The following REDIC1 variants were observed in gnomAD, a reference collection of about 807,000 sequenced individuals.
The protein encoded by REDIC1 is regulator of DNA class I crossover intermediates 1.
At chr12:39,627,109 C>A in the REDIC1 span, among the ~76,000 whole-genome samples, 1 of 152,206 alleles carries the variant, frequency 6.6e-6, no homozygotes, top group South Asian at 2.1e-4. Context: ...CAAGTAGACC[C>A]AGGACAGTAA....
At chr12:39,731,674 A>G in the REDIC1 span, among the ~76,000 whole-genome samples, 1 of 152,130 alleles carries the variant, frequency 6.6e-6, no homozygotes, top group Non-Finnish European at 1.5e-5. Context: ...CAGAGCTCAA[A>G]CGCTGTGCTG....
chr12:39,721,840 TCTG>T, the REDIC1 span: 1 of 152,130 alleles, frequency 6.6e-6, no homozygotes, highest in African/African-American at 2.4e-5. Context: ...AGGAAAATGT[TCTG>T]TAGGATTAAA....
At chr12:39,699,384 T>A in the REDIC1 span, among the ~76,000 whole-genome samples, 1 of 152,266 alleles carries the variant, frequency 6.6e-6, no homozygotes, top group Admixed American at 6.5e-5. Context: ...AATACTGCGC[T>A]TTTCCGACGG....
the REDIC1 span, among the ~76,000 whole-genome samples, chr12:39,907,204 T>G: frequency 6.6e-6 from 1 of 152,126 alleles, no homozygotes. Context: ...ACTTATTAGC[T>G]CTTACAAGTA....
At chr12:39,806,485 C>G in the REDIC1 span, among the ~76,000 whole-genome samples, 1 of 152,148 alleles carries the variant, frequency 6.6e-6, no homozygotes, top group Non-Finnish European at 1.5e-5. Context: ...AGAAGTCACA[C>G]AGGCTTCTAT....
chr12:39,646,594 T>C, the REDIC1 span: 1 of 830,728 alleles, frequency 1.2e-6, no homozygotes, highest in South Asian at 2.6e-5. Context: ...AACAGTATTA[T>C]GCAATGATTA....
the REDIC1 span, among the ~76,000 whole-genome samples, chr12:39,748,727 C>T: frequency 6.6e-6 from 1 of 152,232 alleles, no homozygotes; most frequent in African/African-American, 2.4e-5. Flanking sequence ...GTCTCTCAGA[C>T]CACAGTGCAG....
At chr12:39,821,274 T>C in the REDIC1 span, among the ~76,000 whole-genome samples, 1 of 151,892 alleles carries the variant, frequency 6.6e-6, no homozygotes, top group Non-Finnish European at 1.5e-5. Context: ...GCCGGGCGTG[T>C]TGGCGGGCGC....
At chr12:39,818,949 AC>A in the REDIC1 span, among the ~76,000 whole-genome samples, 3 of 152,202 alleles carry the variant, frequency 2.0e-5, no homozygotes, top group Admixed American at 6.5e-5. Flanking sequence ...TTAAAAAACA[AC>A]ATAGGTCTGC....
At chr12:39,647,542 A>G in the REDIC1 span, among the ~76,000 whole-genome samples, 1 of 151,966 alleles carries the variant, frequency 6.6e-6, no homozygotes, top group African/African-American at 2.4e-5. Flanking sequence ...GCCTACAGGA[A>G]TGGAGCTGGA....
At chr12:39,669,219 A>G in the REDIC1 span, among the ~76,000 whole-genome samples, 2 of 152,106 alleles carry the variant, frequency 1.3e-5, no homozygotes, top group Non-Finnish European at 2.9e-5. Flanking sequence ...GGTGACATAC[A>G]TATGGGGTTT....
chr12:39,857,206 A>G, the REDIC1 span, among the ~76,000 whole-genome samples: 1 of 152,204 alleles, frequency 6.6e-6, no homozygotes, highest in African/African-American at 2.4e-5. Flanking sequence ...GAAGTCTTTT[A>G]AGTTCAAGAA....
At chr12:39,859,431 G>T in the REDIC1 span, among the ~76,000 whole-genome samples, 1 of 149,972 alleles carries the variant, frequency 6.7e-6, no homozygotes, top group Non-Finnish European at 1.5e-5. Context: ...ACATGCCACT[G>T]TCCTGGTGAG....
chr12:39,779,851 A>C, the REDIC1 span, among the ~76,000 whole-genome samples: 1 of 152,252 alleles, frequency 6.6e-6, no homozygotes, highest in Non-Finnish European at 1.5e-5. Context: ...TTCCACTGCA[A>C]GAGTGCCTGC....
the REDIC1 span, among the ~76,000 whole-genome samples, chr12:39,726,324 C>G: frequency 6.6e-6 from 1 of 152,064 alleles, no homozygotes; most frequent in South Asian, 2.1e-4. Flanking sequence ...CCCCCCACAC[C>G]CCAACAGGCT....
chr12:39,698,616 T>C, the REDIC1 span, among the ~76,000 whole-genome samples: 3 of 152,184 alleles, frequency 2.0e-5, no homozygotes, highest in South Asian at 2.1e-4. Context: ...TCTTAAAACA[T>C]TTTTAAAAAT....
the REDIC1 span, among the ~76,000 whole-genome samples, chr12:39,678,471 C>T: frequency 2.6e-5 from 4 of 151,494 alleles, no homozygotes; most frequent in African/African-American, 7.3e-5. Flanking sequence ...AAAAAAAGTC[C>T]GGGACCAGAT....
chr12:39,750,760 C>T, the REDIC1 span, among the ~76,000 whole-genome samples: 1 of 152,112 alleles, frequency 6.6e-6, no homozygotes, highest in Admixed American at 6.6e-5. Flanking sequence ...TAATGCCACA[C>T]ATCTACAACC....
At chr12:39,906,540 G>GT in the REDIC1 span, among the ~76,000 whole-genome samples, 84 of 152,160 alleles carry the variant, frequency 5.5e-4, no homozygotes, top group African/African-American at 1.9e-3. Context: ...GAAAGAAACA[G>GT]TTTTAACTTG....
Sources: gnomAD v4.1 joint callset for allele counts (sites outside exome capture counted in the v4.1 genomes callset) on GRCh38, gnomAD v4.1.1 for gene constraint, MANE v1.5 for transcripts, NCBI Gene and HGNC (gene_info 2026-07-23, HGNC 2026-07-21) for gene names.